Variants in KHDRBS1 observed in about 807,000 individuals in gnomAD.
KHDRBS1 encodes the protein KH RNA binding domain containing, signal transduction associated 1, also known as KH domain-containing, RNA-binding, signal transduction-associated protein 1.
KHDRBS1 carries 7 observed loss-of-function variants against 48.4 expected under a neutral mutation model. The ratio of observed to expected loss-of-function variants is 0.14; its 90% CI spans 0.08 to 0.27. The LOEUF (loss-of-function observed/expected upper bound fraction) is 0.27. Ranked by LOEUF, KHDRBS1 falls within the 10% of genes least tolerant of loss-of-function variation. The probability of loss-of-function intolerance (pLI) is 1.00; values close to 1 mark genes in which losing one functional copy is unlikely to be tolerated. For missense variants in KHDRBS1, 458 were observed against 601.2 expected (o/e 0.76, Z 2.49); for synonymous variants, 241 against 235.8 (o/e 1.02, Z -0.20).
chr1:32,059,832 T>G (rs1397786049), intron 10 of KHDRBS1, among the ~76,000 whole-genome samples: 1 of 152,210 alleles, frequency 6.6e-6, no homozygotes, highest in Admixed American at 6.5e-5. Context: ...TTTTTCCCTT[T>G]GTTTATAGAG....
downstream of KHDRBS1, among the ~76,000 whole-genome samples, chr1:32,046,165 T>G (rs1639353697): frequency 6.6e-6 from 1 of 152,054 alleles, no homozygotes; most frequent in South Asian, 2.1e-4. Flanking sequence ...ATACTGTCCT[T>G]AATCTAGGGA....
downstream of KHDRBS1, among the ~76,000 whole-genome samples, chr1:32,046,156 T>A (rs59693374): frequency 0.014 from 2,103 of 152,200 alleles, 38 homozygotes; most frequent in African/African-American, 0.047. Context: ...TCCTATACTA[T>A]ACTGTCCTTA....
chr1:32,049,174 C>A (rs1302114357), intron 10 of KHDRBS1, among the ~76,000 whole-genome samples: 1 of 151,846 alleles, frequency 6.6e-6, no homozygotes, highest in Non-Finnish European at 1.5e-5. Context: ...GATTCTCCTG[C>A]CTTCCTGAGT....
chr1:32,039,404 A>G (rs1207443594), intron 7 of KHDRBS1, 111 bp from the exon 8 acceptor site: 1 of 715,346 alleles, frequency 1.4e-6, no homozygotes, highest in Non-Finnish European at 2.6e-6. Flanking sequence ...CAGAATGAGT[A>G]TTTTCCTGTA....
At chr1:32,044,257 T>C (rs1639331776), downstream of KHDRBS1, among the ~76,000 whole-genome samples, 1 of 152,216 alleles carries the variant, frequency 6.6e-6, no homozygotes, top group Non-Finnish European at 1.5e-5. Flanking sequence ...TAGGTGGCTC[T>C]AAAGTGTGAC....
At position 32,028,985 on chromosome 1, in the gene KHDRBS1, G is replaced by A. The variant is rs1047867781; in HGVS notation, c.383-1313G>A. Among the ~76,000 whole-genome samples, 8 of 152,108 alleles carry A rather than the reference G, an allele frequency of 5.3e-5. No homozygotes were observed. In the East Asian group the frequency reaches 5.8e-4, roughly 11 times the overall value. On this transcript the variant is annotated intron_variant, in intron 1 of 8. Transcript: ENST00000327300. ...TGAAGACAAGAGACCAGTCTGACTC[G>A]CTCTATTGTATCTCCTGTGCTTTGC...
In KHDRBS1 at chr1:32,030,278, A is replaced by G. The variant is rs2124375367; in HGVS notation, c.383-20A>G. On this transcript the variant is annotated intron_variant, in intron 1 of 8. Transcript: ENST00000327300. ...TGCATTTATTTACCAGGGCAAAAAT[A>G]AATTGTTTTTCCTATTCAGAAATTG... 2 of 1,599,024 alleles carry G rather than the reference A, an allele frequency of 1.3e-6. No individual in the cohort carries two copies. The highest frequency in any genetic ancestry group is 2.2e-5 in the East Asian group (1 of 44,524).
chr1:32,014,421 G>T, intron 1 of KHDRBS1, 44 bp downstream of exon 1: 1 of 1,288,982 alleles, frequency 7.8e-7, no homozygotes, highest in African/African-American at 1.5e-5. Flanking sequence ...CGGCCATCCC[G>T]GGCATGAGTG....
At chr1:32,034,980 CAAAAA>C (rs1191929332) in intron 4 of KHDRBS1, among the ~76,000 whole-genome samples, 1 of 72,966 alleles carries the variant, frequency 1.4e-5, no homozygotes, top group Non-Finnish European at 2.8e-5. Flanking sequence ...GGCTCTGTCT[CAAAAA>C]AAAAAAAAAA....
At chr1:32,029,664 G>GA (rs1364081223) in intron 1 of KHDRBS1, among the ~76,000 whole-genome samples, 2 of 151,746 alleles carry the variant, frequency 1.3e-5, no homozygotes, top group Non-Finnish European at 2.9e-5. Flanking sequence ...TTTCAAAAAA[G>GA]AAAAAAAAGT....
At chr1:32,032,702 CT>C (rs929075517) in intron 3 of KHDRBS1, among the ~76,000 whole-genome samples, 5,670 of 146,366 alleles carry the variant, frequency 0.039, 331 homozygotes, top group African/African-American at 0.13. Flanking sequence ...GTTTGTTTTA[CT>C]TTTTTTTTTT....
chr1:32,024,247 C>T (rs761439263), intron 1 of KHDRBS1, among the ~76,000 whole-genome samples: 9 of 150,206 alleles, frequency 6.0e-5, no homozygotes, highest in South Asian at 4.2e-4. Context: ...AGTGAGACTT[C>T]GTTTCAAAAA....
chr1:32,038,602 T>C lies in KHDRBS1; in HGVS notation c.1158T>C (p.Tyr386=). 6.2e-7 allele frequency: 1 copy of C among 1,614,028 alleles called. No homozygotes were observed. Among genetic ancestry groups the C allele is most frequent in the African/African-American group, 1.3e-5 (1 of 75,046 alleles). ...AEQSYEGYEG[Y]YSQSQGDSEY... is the part of the protein sequence containing the mutation. ...AAAGTTACGAAGGCTACGAAGGCTA[T>C]TACAGCCAGAGTCAAGGGTGAGTCA... Residue 386 remains tyrosine, a synonymous_variant, in exon 7 of 9, where the codon TAT becomes TAC. Transcript: ENST00000327300.
At chr1:32,018,665 G>A (rs1239126408) in intron 1 of KHDRBS1, among the ~76,000 whole-genome samples, 1 of 151,884 alleles carries the variant, frequency 6.6e-6, no homozygotes, top group Non-Finnish European at 1.5e-5. Flanking sequence ...GCTGAGGCAG[G>A]AGAATGGCGT....
chr1:32,060,762 GT>G (rs2124405832), exon 11 of KHDRBS1: 1 of 152,294 alleles, frequency 6.6e-6, no homozygotes, highest in African/African-American at 2.4e-5. Flanking sequence ...GTCATAAAGG[GT>G]AGGGCTTTTT....
Position 32,033,173 on chromosome 1 carries a change from T to C in KHDRBS1, c.625-15T>C, listed in dbSNP as rs370739000. ...CCTAGTCCATGGTGTGACATTTCTC[T>C]GCATTTTTCCATAGGAGGAAGAGCT... On this transcript the variant is annotated splice_polypyrimidine_tract_variant and intron_variant, in intron 3 of 8. Transcript: ENST00000327300. 1.2e-6 allele frequency: 2 copies of C among 1,611,292 alleles called. No individual in the cohort carries two copies. Among genetic ancestry groups the C allele is most frequent in the East Asian group, 4.5e-5 (2 of 44,856 alleles).
At chr1:32,015,255 G>T (rs1245876264) in intron 1 of KHDRBS1, among the ~76,000 whole-genome samples, 2 of 152,116 alleles carry the variant, frequency 1.3e-5, no homozygotes, top group Non-Finnish European at 2.9e-5. Flanking sequence ...GTAGGTTAGC[G>T]CTCTTTTCCT....
At chr1:32,015,729 T>C (rs533294660) in intron 1 of KHDRBS1, among the ~76,000 whole-genome samples, 47 of 152,330 alleles carry the variant, frequency 3.1e-4, no homozygotes, top group African/African-American at 1.1e-3. Flanking sequence ...TTGGGATGTA[T>C]GAATTCTTTC....
chr1:32,055,532 T>C (rs1639471649), intron 10 of KHDRBS1, among the ~76,000 whole-genome samples: 1 of 152,104 alleles, frequency 6.6e-6, no homozygotes, highest in Non-Finnish European at 1.5e-5. Context: ...AGATTAATAG[T>C]CGTTGCATGT....
Sources: allele counts gnomAD v4.1 joint callset (sites outside exome capture counted in the v4.1 genomes callset), GRCh38; gene constraint gnomAD v4.1.1; transcripts MANE v1.5; gene names NCBI Gene and HGNC (gene_info 2026-07-23, HGNC 2026-07-21).